Variants in ECHDC2 observed in about 807,000 individuals in gnomAD.
ECHDC2 encodes the protein enoyl-CoA hydratase domain containing 2.
Under a neutral mutation model 40.6 loss-of-function variants are expected in ECHDC2, and 34 were observed. The observed-to-expected ratio is 0.84, with a 90% CI of 0.64 to 1.11. The LOEUF is 1.11. Among genes scored for constraint, ECHDC2 ranks in the 50% most tolerant of loss-of-function variants. The probability of loss-of-function intolerance (pLI) is 0.00; values close to 1 mark genes in which losing one functional copy is unlikely to be tolerated. For missense variants in ECHDC2, 392 were observed against 400.7 expected, an observed-to-expected ratio of 0.98 and a Z score of 0.19; for synonymous variants, 162 against 166.6, an observed-to-expected ratio of 0.97 and a Z score of 0.21.
chr1:52,917,313 C>T (rs572645514), intron 1 of ECHDC2, among the ~76,000 whole-genome samples: 33 of 152,068 alleles, frequency 2.2e-4, no homozygotes, highest in Non-Finnish European at 4.6e-4. Flanking sequence ...AACTGACGCC[C>T]GGAAACAAGG....
rs869088329 is a variant in ECHDC2, at chr1:52,910,352, G to GTTTTTTTTTTTTT, written c.277+1201_277+1213dup. 1.2e-3 allele frequency among the ~76,000 whole-genome samples: 37 copies of GTTTTTTTTTTTTT among 32,102 alleles called. 9 individuals are homozygous for GTTTTTTTTTTTTT. The highest frequency in any genetic ancestry group is 2.6e-3 in the East Asian group (3 of 1,176). The allele number at this position is 32,102 out of a possible 152,430, so 21.1% of individuals were successfully genotyped here. On this transcript the variant is annotated intron_variant, in intron 3 of 9. Transcript: ENST00000371522. ...GTTACTTATATTTCACCACAATTTC[G>GTTTTTTTTTTTTT]TTTTTTTTTTTTTTTTTTTTTTTTT...
In ECHDC2 at chr1:52,910,292, G is replaced by A. The variant is rs774880802; in HGVS notation, c.277+1274C>T. Reference sequence around the variant, plus strand: ...AATGTACTTAATGCCACTCTGAATTGTACACTTAAAAATGGTTAAAACGGT... The same window carrying A: ...AATGTACTTAATGCCACTCTGAATTATACACTTAAAAATGGTTAAAACGGT... On this transcript the variant is annotated intron_variant, in intron 3 of 9. Coordinates refer to ENST00000371522, the MANE Select transcript of ECHDC2 (RefSeq NM_001198961.2). Among the ~76,000 whole-genome samples the A allele has an allele frequency of 1.8e-3, 234 of 132,306 alleles. 1 individual carries two copies. Among genetic ancestry groups the A allele is most frequent in the Middle Eastern group, 0.011 (2 of 180 alleles). 86.8% of individuals were successfully genotyped at this position (132,306 alleles called of 152,430 possible). A position where few individuals can be genotyped will look rare whatever the true frequency, so the allele number is the denominator to read the frequency against.
chr1:52,897,475 C>T lies in ECHDC2; in HGVS notation c.763G>A (p.Ala255Thr), dbSNP rs1646709933. The change falls in exon 9 of 10, where the codon GCA (alanine) becomes ACA (threonine). Residue 255 changes from alanine (A) to threonine (T), a missense_variant. Coordinates refer to ENST00000371522, the MANE Select transcript of ECHDC2 (RefSeq NM_001198961.2). ...ATCCCTTCAATGGCCATCCCAGATG[C>T]AATGTCCACCTGCAAGAAAGACGTG... ...AIDRGTEVDIASGMAIEGMCY... is the reference protein window; with the variant it reads ...AIDRGTEVDITSGMAIEGMCY... 5 of 1,614,094 alleles carry T rather than the reference C, an allele frequency of 3.1e-6. No individual in the cohort carries two copies. The highest frequency in any genetic ancestry group is 1.7e-5 in the Admixed American group (1 of 60,006).
rs757257130 is a variant in ECHDC2 at position 52,911,664 on chromosome 1, C to A, written c.190-11G>T. The A allele has an allele frequency of 1.2e-6, 2 of 1,614,230 alleles. No homozygotes were observed. Among genetic ancestry groups the A allele is most frequent in the South Asian group, 1.1e-5 (1 of 91,082 alleles). On this transcript the variant is annotated splice_polypyrimidine_tract_variant and intron_variant, in intron 2 of 9. Coordinates refer to ENST00000371522, the MANE Select transcript of ECHDC2 (RefSeq NM_001198961.2). ...CAGAGTTTCCAGCAGCTACAGAGGA[C>A]ACCCAGTTAGATAGTGCCAGCCCAT...
intron 1 of ECHDC2, chr1:52,921,281 G>T: frequency 1.7e-6 from 1 of 599,890 alleles, no homozygotes; most frequent in Non-Finnish European, 2.5e-6. Context: ...TACCCGTGCG[G>T]ACCCCGCTCC....
chr1:52,917,710 C>A, intron 1 of ECHDC2: 1 of 451,612 alleles, frequency 2.2e-6, no homozygotes, highest in Non-Finnish European at 4.5e-6. Flanking sequence ...ACATATAAGT[C>A]CCATCAGACT....
intron 3 of ECHDC2, among the ~76,000 whole-genome samples, chr1:52,910,352 GT>G (rs869088329): frequency 3.7e-4 from 12 of 32,096 alleles, no homozygotes; most frequent in Admixed American, 1.2e-3. Context: ...CCACAATTTC[GT>G]TTTTTTTTTT....
chr1:52,897,081 ACAGCC>A, intron 9 of ECHDC2: 1 of 385,584 alleles, frequency 2.6e-6, no homozygotes, highest in Admixed American at 3.6e-5. Context: ...TACATTGAAC[ACAGCC>A]TGCAGGCTAC....
Position 52,905,687 on chromosome 1 carries a change from C to T in ECHDC2, c.458-597G>A, listed in dbSNP as rs114460872. The T allele has an allele frequency of 6.3e-3, 998 of 159,434 alleles. 11 individuals carry two copies. Among genetic ancestry groups the T allele is most frequent in the Middle Eastern group, 0.02 (6 of 296 alleles). 9.9% of individuals were successfully genotyped at this position (159,434 alleles called of 1,614,324 possible). A position where few individuals can be genotyped will look rare whatever the true frequency, so the allele number is the denominator to read the frequency against. On this transcript the variant is annotated intron_variant, in intron 5 of 9. Coordinates refer to ENST00000371522, the MANE Select transcript of ECHDC2 (RefSeq NM_001198961.2). ...CTTTTCTGAATTCCCTCAGCATGGA[C>T]CATGTGAACGTGGGCAGAAGGGAGT...
intron 1 of ECHDC2, among the ~76,000 whole-genome samples, chr1:52,916,747 T>C (rs1334479991): frequency 6.6e-6 from 1 of 152,188 alleles, no homozygotes; most frequent in East Asian, 1.9e-4. Flanking sequence ...AAGGTCCCTG[T>C]GTTCTTAGTC....
At chr1:52,908,095 G>A in intron 3 of ECHDC2, 141 bp from the exon 4 acceptor site, 1 of 689,168 alleles carries the variant, frequency 1.5e-6, no homozygotes, top group East Asian at 2.7e-5. Flanking sequence ...GGGCAAGGAA[G>A]TCAAGGGAAA....
intron 1 of ECHDC2, chr1:52,912,171 CT>C (rs1272702149): frequency 0.087 from 24,252 of 280,242 alleles, 716 homozygotes; most frequent in African/African-American, 0.19. Context: ...CCATATTCAT[CT>C]TTTTTTTTTT....
chr1:52,916,705 C>T (rs1279324653), intron 1 of ECHDC2, among the ~76,000 whole-genome samples: 2 of 152,142 alleles, frequency 1.3e-5, no homozygotes. Flanking sequence ...CTACCACATG[C>T]CAGGTCCTGG....
chr1:52,896,824 C>T (rs116182270), intron 9 of ECHDC2: 11,905 of 524,410 alleles, frequency 0.023, 173 homozygotes, highest in Non-Finnish European at 0.03. Context: ...TTAGCCTCCA[C>T]TTGCACACTG....
rs869088329 is a variant in ECHDC2 at position 52,910,352 on chromosome 1, GTT to G, written c.277+1212_277+1213del. On this transcript the variant is annotated intron_variant, in intron 3 of 9. Coordinates refer to ENST00000371522, the MANE Select transcript of ECHDC2 (RefSeq NM_001198961.2). Reference sequence around the variant, plus strand: ...GTTACTTATATTTCACCACAATTTCGTTTTTTTTTTTTTTTTTTTTTTTTTTT... The same window carrying G: ...GTTACTTATATTTCACCACAATTTCGTTTTTTTTTTTTTTTTTTTTTTTTT... Among the ~76,000 whole-genome samples, 162 of 32,080 alleles carry G rather than the reference GTT, an allele frequency of 5.0e-3. 1 individual carries two copies. Among genetic ancestry groups the G allele is most frequent in the African/African-American group, 0.015 (135 of 9,222 alleles). The allele number at this position is 32,080 out of a possible 152,430, so 21.0% of individuals were successfully genotyped here.
chr1:52,912,477 G>T (rs1217374191), intron 1 of ECHDC2, among the ~76,000 whole-genome samples: 1 of 151,956 alleles, frequency 6.6e-6, no homozygotes, highest in Non-Finnish European at 1.5e-5. Context: ...CAAAGTGCTG[G>T]GATTACAGGT....
chr1:52,900,807 C>G (rs1282196183), intron 7 of ECHDC2: 3 of 152,174 alleles, frequency 2.0e-5, no homozygotes, highest in African/African-American at 7.2e-5. Context: ...CTTCTTACTC[C>G]TCTGTTCTTT....
At position 52,910,352 on chromosome 1, in the gene ECHDC2, GTTTTTT is replaced by G. The variant is rs869088329; in HGVS notation, c.277+1208_277+1213del. 1.6e-3 allele frequency among the ~76,000 whole-genome samples: 50 copies of G among 32,102 alleles called. 6 individuals are homozygous for G. The highest frequency in any genetic ancestry group is 5.0e-3 in the African/African-American group (46 of 9,234). 21.1% of individuals were successfully genotyped at this position (32,102 alleles called of 152,430 possible). On this transcript the variant is annotated intron_variant, in intron 3 of 9. Transcript: ENST00000371522. The stretch of plus-strand genomic sequence containing the variant: ...GTTACTTATATTTCACCACAATTTC[GTTTTTT>G]TTTTTTTTTTTTTTTTTTTTTTTTT...
chr1:52,903,983 A>C (rs1472335429), intron 7 of ECHDC2, among the ~76,000 whole-genome samples: 1 of 151,712 alleles, frequency 6.6e-6, no homozygotes, highest in East Asian at 1.9e-4. Context: ...ACACCCAGCT[A>C]ATTTTTGTAT....
Sources: allele counts gnomAD v4.1 joint callset (sites outside exome capture counted in the v4.1 genomes callset), GRCh38; gene constraint gnomAD v4.1.1; transcripts MANE v1.5; gene names NCBI Gene and HGNC (gene_info 2026-07-23, HGNC 2026-07-21).